CDH9: variants seen among roughly 807,000 people sequenced by gnomAD.
The protein encoded by CDH9 is cadherin 9, also known as cadherin-9.
Under a neutral mutation model 70.9 loss-of-function variants are expected in CDH9, and 28 were observed. The ratio of observed to expected loss-of-function variants is 0.40; its 90% CI spans 0.29 to 0.54. CDH9 has a LOEUF of 0.54. CDH9 is among the 20% of genes least tolerant of loss of function. The pLI is 0.59. For synonymous variants in CDH9, 409 were observed against 343.1 expected (o/e 1.19, Z -2.12); for missense variants, 874 against 984.4 (o/e 0.89, Z 1.50).
At chr5:26,890,750 T>A in intron 7 of CDH9, 186 bp from the exon 8 acceptor site, 1 of 558,452 alleles carries the variant, frequency 1.8e-6, no homozygotes, top group Non-Finnish European at 3.2e-6. Context: ...TGACTCTTTC[T>A]ACTTACTATA....
intron 7 of CDH9, among the ~76,000 whole-genome samples, chr5:26,895,704 T>C (rs1295351923): frequency 6.6e-6 from 1 of 152,056 alleles, no homozygotes; most frequent in African/African-American, 2.4e-5. Flanking sequence ...CATAATCTCA[T>C]GTTGCAAGTG....
chr5:26,943,863 T>C (rs921326198), intron 2 of CDH9, among the ~76,000 whole-genome samples: 16 of 152,212 alleles, frequency 1.1e-4, no homozygotes, highest in African/African-American at 3.4e-4. Context: ...CATGAGATAA[T>C]GTTTGCAAAG....
chr5:26,976,514 G>A lies in CDH9; in HGVS notation c.228+11592C>T, dbSNP rs764043143. Among the ~76,000 whole-genome samples the A allele has an allele frequency of 3.2e-4, 49 of 151,876 alleles. 1 individual carries two copies. The highest frequency in any genetic ancestry group is 3.9e-4 in the Admixed American group (6 of 15,228). ...GTGCAGTGGTGCGATCTTGGCTGAC[G>A]GCAACTTCTGCTTCCCGGGCTCAAG... is the stretch of plus-strand genomic sequence containing the variant. On this transcript the variant is annotated intron_variant, in intron 2 of 11. Transcript: ENST00000231021.
At chr5:27,037,256 C>T (rs1428510794) in intron 1 of CDH9, among the ~76,000 whole-genome samples, 3 of 151,860 alleles carry the variant, frequency 2.0e-5, no homozygotes, top group African/African-American at 7.2e-5. Context: ...GTCACAAAGT[C>T]ATTCATTCTT....
chr5:26,934,556 C>T (rs937229253), intron 2 of CDH9, among the ~76,000 whole-genome samples: 4 of 152,106 alleles, frequency 2.6e-5, no homozygotes, highest in Admixed American at 2.0e-4. Context: ...TAATCACCTC[C>T]CACCAGGCCC....
chr5:26,962,363 G>T (rs10061022), intron 2 of CDH9, among the ~76,000 whole-genome samples: 2 of 152,172 alleles, frequency 1.3e-5, no homozygotes, highest in African/African-American at 4.8e-5. Context: ...TGGGTCAAAT[G>T]ATATTTCTAG....
intron 1 of CDH9, among the ~76,000 whole-genome samples, chr5:26,992,216 C>T (rs1246007745): frequency 1.3e-5 from 2 of 152,148 alleles, no homozygotes; most frequent in Non-Finnish European, 2.9e-5. Context: ...TGCTCACCTC[C>T]TGCTGTGCAG....
At chr5:26,892,380 A>G (rs968752710) in intron 7 of CDH9, among the ~76,000 whole-genome samples, 10 of 152,168 alleles carry the variant, frequency 6.6e-5, no homozygotes, top group African/African-American at 2.4e-4. Flanking sequence ...GAGATTGTGC[A>G]TTTTTAACAA....
intron 2 of CDH9, among the ~76,000 whole-genome samples, chr5:26,961,171 G>A (rs1010173945): frequency 3.3e-5 from 5 of 152,158 alleles, no homozygotes; most frequent in South Asian, 2.1e-4. Context: ...TTTATGGTAA[G>A]CAACAAGGTG....
chr5:26,956,045 C>T (rs1352439653), intron 2 of CDH9, among the ~76,000 whole-genome samples: 3 of 152,128 alleles, frequency 2.0e-5, no homozygotes, highest in African/African-American at 7.2e-5. Flanking sequence ...ACTTAGGCCA[C>T]GAAGTTTCTG....
In CDH9 at chr5:26,915,053, T is replaced by C. The variant is rs187565844; in HGVS notation, c.523+577A>G. ...CATAAGGCAATGTTCAGTGGTAGAA[T>C]GTGCACAAAAATAACATAAAGAGAC... On this transcript the variant is annotated intron_variant, in intron 3 of 11. Transcript: ENST00000231021. Among the ~76,000 whole-genome samples the C allele has an allele frequency of 3.3e-5, 5 of 152,106 alleles. No individual in the cohort carries two copies. The East Asian group carries it at 9.7e-4, about 29-fold the overall frequency.
chr5:26,885,870 G>C lies in CDH9; in HGVS notation c.1631-5C>G, dbSNP rs371230760. On this transcript the variant is annotated splice_region_variant and splice_polypyrimidine_tract_variant and intron_variant, in intron 10 of 11. Coordinates refer to ENST00000231021, the MANE Select transcript of CDH9 (RefSeq NM_016279.4). Reference sequence around the variant, plus strand: ...TCATGATTCCTGCTGTATTATCTGGGGGAGAAAACATGTAAAAAAACAAAA... The same window carrying C: ...TCATGATTCCTGCTGTATTATCTGGCGGAGAAAACATGTAAAAAAACAAAA... 18 of 1,610,770 alleles carry C rather than the reference G, an allele frequency of 1.1e-5. No homozygotes were observed. Among genetic ancestry groups the C allele is most frequent in the Non-Finnish European group, 1.4e-5 (17 of 1,178,396 alleles).
In CDH9 at chr5:26,966,316, C is replaced by A. The variant is rs189886862; in HGVS notation, c.228+21790G>T. Among the ~76,000 whole-genome samples, 574 of 152,272 alleles carry A rather than the reference C, an allele frequency of 3.8e-3. 1 individual carries two copies. The highest frequency in any genetic ancestry group is 0.013 in the African/African-American group (520 of 41,544). ...CTGTCCAGTCCTGACCCCTGCAGTG[C>A]CTCACAGGTCTTGTTCCAAGAAGGC... On this transcript the variant is annotated intron_variant, in intron 2 of 11. Coordinates refer to ENST00000231021, the MANE Select transcript of CDH9 (RefSeq NM_016279.4).
Position 26,881,096 on chromosome 5 carries a change from A to T in CDH9, c.*40T>A. ...CAGGCCACTCAATCTAATAACATAG[A>T]CAGTACTTCCACTAATATTGATTAA... On this transcript the variant is annotated 3_prime_UTR_variant, in exon 12 of 12. Coordinates refer to ENST00000231021, the MANE Select transcript of CDH9 (RefSeq NM_016279.4). 6.5e-7 allele frequency: 1 copy of T among 1,532,596 alleles called. No homozygotes were observed. Among genetic ancestry groups the T allele is most frequent in the Non-Finnish European group, 8.8e-7 (1 of 1,135,532 alleles). 94.9% of individuals were successfully genotyped at this position (1,532,596 alleles called of 1,614,324 possible). A position where few individuals can be genotyped will look rare whatever the true frequency, so the allele number is the denominator to read the frequency against.
intron 2 of CDH9, among the ~76,000 whole-genome samples, chr5:26,971,517 A>G (rs1742217986): frequency 6.6e-6 from 1 of 152,208 alleles, no homozygotes; most frequent in Non-Finnish European, 1.5e-5. Flanking sequence ...AATTGAGTGA[A>G]TCATTATCTT....
intron 2 of CDH9, among the ~76,000 whole-genome samples, chr5:26,920,337 T>C (rs536428720): frequency 2.0e-5 from 3 of 151,900 alleles, no homozygotes; most frequent in Admixed American, 2.0e-4. Context: ...GATGCCAGCT[T>C]AGCTTTAGTA....
intron 2 of CDH9, among the ~76,000 whole-genome samples, chr5:26,955,258 G>T (rs1006074363): frequency 6.6e-6 from 1 of 152,080 alleles, no homozygotes; most frequent in Non-Finnish European, 1.5e-5. Flanking sequence ...GCAATCATGA[G>T]AATCCCTTAT....
At chr5:26,928,251 C>A (rs1378984385) in intron 2 of CDH9, among the ~76,000 whole-genome samples, 2 of 151,890 alleles carry the variant, frequency 1.3e-5, no homozygotes, top group African/African-American at 2.4e-5. Flanking sequence ...TTTACAATAG[C>A]TACAAGTACT....
intron 7 of CDH9, among the ~76,000 whole-genome samples, chr5:26,894,367 T>C (rs1159020468): frequency 1.3e-5 from 2 of 152,144 alleles, no homozygotes; most frequent in Non-Finnish European, 2.9e-5. Context: ...AAATCAAGCT[T>C]TGATACACTT....
Sources: allele counts gnomAD v4.1 joint callset (sites outside exome capture counted in the v4.1 genomes callset), GRCh38; gene constraint gnomAD v4.1.1; transcripts MANE v1.5; gene names NCBI Gene and HGNC (gene_info 2026-07-23, HGNC 2026-07-21).